EFHC2: variants seen among roughly 807,000 people sequenced by gnomAD.
EFHC2 encodes EF-hand domain-containing family member C2.
In EFHC2, 18 loss-of-function variants were observed where a neutral mutation model predicts 52.7. That is an observed-to-expected ratio of 0.34 (90% CI 0.24 to 0.51). The LOEUF (loss-of-function observed/expected upper bound fraction) is 0.51. Among genes scored for constraint, EFHC2 ranks in the 20% least tolerant of loss-of-function variants. EFHC2 has a pLI of 0.97. For synonymous variants in EFHC2, 203 were observed against 204.1 expected (o/e 0.99, Z 0.04); for missense variants, 513 against 562.5 (o/e 0.91, Z 0.89).
chrX:44,188,479 CTT>C (rs1470864006), intron 11 of EFHC2, among the ~76,000 whole-genome samples: 1 of 111,517 alleles, frequency 9.0e-6, no homozygotes, highest in Non-Finnish European at 1.9e-5. Flanking sequence ...TAAATATTAA[CTT>C]TATGTCAAAT....
intron 4 of EFHC2, among the ~76,000 whole-genome samples, chrX:44,253,050 G>A (rs2037464250): frequency 9.0e-6 from 1 of 111,217 alleles, no homozygotes; most frequent in Admixed American, 9.6e-5. Context: ...CCCTCCCCTA[G>A]CCAAGGGAAG....
intron 11 of EFHC2, among the ~76,000 whole-genome samples, chrX:44,189,887 G>A (rs2036906955): frequency 9.0e-6 from 1 of 111,003 alleles, no homozygotes; most frequent in Non-Finnish European, 1.9e-5. Flanking sequence ...CTATTAACCT[G>A]GAGATGAGGT....
Position 44,343,612 on chromosome X carries a change from G to A in EFHC2, c.-24C>T. 1 of 1,168,221 alleles carries A rather than the reference G, an allele frequency of 8.6e-7. No individual in the cohort carries two copies. The highest frequency in any genetic ancestry group is 1.1e-6 in the Non-Finnish European group (1 of 877,325). On this transcript the variant is annotated 5_prime_UTR_variant, in exon 1 of 15. Transcript: ENST00000420999. ...ATGGCGCTCAGTGTCCGAAAATCCAGGGTCCCAGAAGAGAGGGCCCGGCAG... is the reference window on the plus strand; with the variant it reads ...ATGGCGCTCAGTGTCCGAAAATCCAAGGTCCCAGAAGAGAGGGCCCGGCAG...
At position 44,152,907 on chromosome X, in the gene EFHC2, C is replaced by A. The variant is rs186746905; in HGVS notation, c.2149-4011G>T. On this transcript the variant is annotated intron_variant, in intron 14 of 14. Transcript: ENST00000420999. Reference sequence around the variant, plus strand: ...TTAATCTCATTATAGAGAAACAGTACAAATATATGCCTTCAAAAATCACCA... The same window carrying A: ...TTAATCTCATTATAGAGAAACAGTAAAAATATATGCCTTCAAAAATCACCA... Among the ~76,000 whole-genome samples the A allele has an allele frequency of 4.5e-5, 5 of 111,807 alleles. No individual in the cohort carries two copies. The East Asian group carries it at 1.4e-3, about 31-fold the overall frequency.
At chrX:44,181,017 T>C (rs1356634112) in intron 11 of EFHC2, among the ~76,000 whole-genome samples, 1 of 108,547 alleles carries the variant, frequency 9.2e-6, no homozygotes, top group Non-Finnish European at 1.9e-5. Flanking sequence ...TCACTTGAAG[T>C]TTAGGAGTTT....
At chrX:44,154,042 G>T (rs1198892300) in intron 14 of EFHC2, among the ~76,000 whole-genome samples, 1 of 112,685 alleles carries the variant, frequency 8.9e-6, no homozygotes, top group Non-Finnish European at 1.9e-5. Context: ...AAGCTTACTT[G>T]TGTCTCTGTA....
At chrX:44,313,650 C>T (rs58842349) in intron 1 of EFHC2, among the ~76,000 whole-genome samples, 17,316 of 110,956 alleles carry the variant, frequency 0.16, 1,108 homozygotes, top group African/African-American at 0.25. Flanking sequence ...TAATATTACA[C>T]GTATCAATAT....
chrX:44,298,518 G>C (rs1480046799), intron 2 of EFHC2, among the ~76,000 whole-genome samples: 1 of 111,447 alleles, frequency 9.0e-6, no homozygotes, highest in Non-Finnish European at 1.9e-5. Flanking sequence ...TGGGGTGGTG[G>C]TTACACAGAT....
At chrX:44,233,749 G>A (rs1361577120) in intron 9 of EFHC2, among the ~76,000 whole-genome samples, 3 of 111,334 alleles carry the variant, frequency 2.7e-5, no homozygotes, top group Non-Finnish European at 5.7e-5. Flanking sequence ...TTCTCAGGTC[G>A]CCTATAGTGG....
At chrX:44,250,964 C>T (rs1048548157) in intron 4 of EFHC2, among the ~76,000 whole-genome samples, 3 of 109,813 alleles carry the variant, frequency 2.7e-5, no homozygotes, top group Admixed American at 9.7e-5. Flanking sequence ...ACTGGCCGGG[C>T]GCGGTGGCTC....
chrX:44,303,865 T>G (rs2037885415), intron 2 of EFHC2, among the ~76,000 whole-genome samples: 1 of 111,316 alleles, frequency 9.0e-6, no homozygotes, highest in Admixed American at 9.6e-5. Flanking sequence ...AAAAAAGAAA[T>G]AATATTTTCA....
chrX:44,248,985 G>A, intron 5 of EFHC2, 69 bp from the exon 6 acceptor site: 2 of 726,916 alleles, frequency 2.8e-6, no homozygotes, highest in South Asian at 7.8e-5. Flanking sequence ...TAACCCCAGG[G>A]CTGGCATAGA....
At chrX:44,268,152 A>C (rs1236475785) in intron 3 of EFHC2, among the ~76,000 whole-genome samples, 1 of 111,915 alleles carries the variant, frequency 8.9e-6, no homozygotes, top group African/African-American at 3.2e-5. Context: ...CCAATCAAAA[A>C]TTCGGAAAAT....
chrX:44,170,996 A>G (rs774852428), intron 13 of EFHC2, among the ~76,000 whole-genome samples: 7 of 112,481 alleles, frequency 6.2e-5, no homozygotes, highest in Non-Finnish European at 1.3e-4. Flanking sequence ...CCTAGCTCAC[A>G]GTGCGAAAGT....
At chrX:44,248,993 A>T in intron 5 of EFHC2, 77 bp from the exon 6 acceptor site, 2 of 612,760 alleles carry the variant, frequency 3.3e-6, no homozygotes, top group Middle Eastern at 3.3e-4. Context: ...GGGCTGGCAT[A>T]GAGGTGGCAC....
At chrX:44,223,205 G>C (rs2037207288) in intron 11 of EFHC2, among the ~76,000 whole-genome samples, 1 of 112,505 alleles carries the variant, frequency 8.9e-6, no homozygotes, top group Non-Finnish European at 1.9e-5. Flanking sequence ...CCTCAGAAGG[G>C]ATTAACAGAA....
At position 44,343,632 on chromosome X, in the gene EFHC2, C is replaced by T. The variant is rs1435619256; in HGVS notation, c.-44G>A. 4 of 987,548 alleles carry T rather than the reference C, an allele frequency of 4.1e-6. No homozygotes were observed. The Admixed American group carries it at 1.5e-4, about 37-fold the overall frequency. The allele number at this position is 987,548 out of a possible 1,213,427, so 81.4% of individuals were successfully genotyped here. ...ATCCAGGGTCCCAGAAGAGAGGGCC[C>T]GGCAGGCAGCGGCGCCTCCCGGCCG... On this transcript the variant is annotated 5_prime_UTR_variant, in exon 1 of 15. Transcript: ENST00000420999.
chrX:44,335,913 C>T (rs1187854558), intron 1 of EFHC2, among the ~76,000 whole-genome samples: 2 of 100,034 alleles, frequency 2.0e-5, no homozygotes, highest in African/African-American at 7.2e-5. Context: ...TTAAAAATGA[C>T]TTTCAAAACT....
intron 9 of EFHC2, 22 bp downstream of exon 9, chrX:44,235,283 C>A: frequency 9.0e-7 from 1 of 1,106,159 alleles, no homozygotes; most frequent in Non-Finnish European, 1.2e-6. Flanking sequence ...CAAGAAAATA[C>A]TGTGAAGAGT....
Sources: allele counts gnomAD v4.1 joint callset (sites outside exome capture counted in the v4.1 genomes callset), GRCh38; gene constraint gnomAD v4.1.1; transcripts MANE v1.5; gene names NCBI Gene and HGNC (gene_info 2026-07-23, HGNC 2026-07-21).